VRK2: variants seen among roughly 807,000 people sequenced by gnomAD.
VRK2 encodes the protein VRK serine/threonine kinase 2, also known as serine/threonine-protein kinase VRK2.
A neutral mutation model predicts 57.6 loss-of-function variants in VRK2; 60 were observed. That is an observed-to-expected ratio of 1.04 (90% CI 0.85 to 1.29). VRK2 has a LOEUF of 1.29. Among genes scored for constraint, VRK2 ranks in the 50% most tolerant of loss-of-function variants. The pLI is 0.00. For synonymous variants in VRK2, 231 were observed against 199.2 expected (o/e 1.16, Z -1.35); for missense variants, 705 against 588.1 (o/e 1.20, Z -2.06).
intron 10 of VRK2, among the ~76,000 whole-genome samples, chr2:58,136,113 CCTTT>C (rs1349561401): frequency 6.6e-6 from 1 of 152,108 alleles, no homozygotes; most frequent in Non-Finnish European, 1.5e-5. Flanking sequence ...ACATTCACAG[CCTTT>C]CTTTCACTGG....
chr2:58,116,276 GA>G (rs1457330506), intron 7 of VRK2, among the ~76,000 whole-genome samples: 8 of 151,862 alleles, frequency 5.3e-5, no homozygotes, highest in East Asian at 3.9e-4. Context: ...TAAGGTGGGG[GA>G]ATACAAAAGG....
intron 1 of VRK2, among the ~76,000 whole-genome samples, chr2:58,012,903 T>C (rs188310294): frequency 1.4e-4 from 22 of 152,286 alleles, no homozygotes; most frequent in African/African-American, 4.8e-4. Flanking sequence ...CAATGAAAAA[T>C]ATAAAACGTA....
chr2:57,908,066 GA>G (rs752533479), intron 1 of VRK2, among the ~76,000 whole-genome samples: 134 of 152,274 alleles, frequency 8.8e-4, no homozygotes, highest in Admixed American at 3.6e-3. Context: ...GGATTCACAA[GA>G]GGGGATCAAG....
intron 2 of VRK2, among the ~76,000 whole-genome samples, chr2:58,057,661 A>C (rs1240193387): frequency 6.6e-6 from 1 of 152,164 alleles, no homozygotes; most frequent in Admixed American, 6.6e-5. Context: ...TTTTCAAAGA[A>C]TGTAAGCACA....
chr2:58,030,398 G>A (rs1674076398), intron 2 of VRK2, among the ~76,000 whole-genome samples: 1 of 151,958 alleles, frequency 6.6e-6, no homozygotes, highest in Non-Finnish European at 1.5e-5. Flanking sequence ...TTACATGTAA[G>A]TCTCTAATAC....
chr2:58,087,974 G>C (rs992442398), intron 5 of VRK2, among the ~76,000 whole-genome samples: 1 of 151,908 alleles, frequency 6.6e-6, no homozygotes, highest in African/African-American at 2.4e-5. Context: ...TGACAGAGCG[G>C]GACTCTGTCT....
chr2:58,146,456 G>A lies in VRK2; in HGVS notation c.1164G>A (p.Met388Ile). The change falls in exon 12 of 13, where the codon ATG becomes ATA. Residue 388 changes from methionine to isoleucine, a missense_variant. Physicochemically the swap from Met to Ile is conservative, Grantham distance 10. Coordinates refer to ENST00000340157, the MANE Select transcript of VRK2 (RefSeq NM_006296.7). The stretch of plus-strand genomic sequence containing the variant: ...AAGAGGAGAAACTGATTGGATTGAT[G>A]AACAATGAAGCAGCTCAGGTGAGAG... Reference protein sequence around the residue: ...VQKEEKLIGLMNNEAAQESTR... With the variant: ...VQKEEKLIGLINNEAAQESTR... 2 of 1,610,316 alleles carry A rather than the reference G, an allele frequency of 1.2e-6. No individual in the cohort carries two copies. Among genetic ancestry groups the A allele is most frequent in the East Asian group, 4.5e-5 (2 of 44,792 alleles).
chr2:57,907,708 C>A (rs1041005044), exon 1 of VRK2: 1 of 152,288 alleles, frequency 6.6e-6, no homozygotes, highest in Non-Finnish European at 1.5e-5. Context: ...CTCTGATTGT[C>A]CTCATGGGGA....
In VRK2 at chr2:58,123,135, A is replaced by T; in HGVS notation, c.578A>T (p.Tyr193Phe). 1 of 1,600,638 alleles carries T rather than the reference A, an allele frequency of 6.2e-7. No individual in the cohort carries two copies. Among genetic ancestry groups the T allele is most frequent in the South Asian group, 1.1e-5 (1 of 87,968 alleles). The change falls in exon 8 of 13, where the codon TAT becomes TTT. Residue 193 changes from tyrosine (Y) to phenylalanine (F), a missense_variant. Coordinates refer to ENST00000340157, the MANE Select transcript of VRK2 (RefSeq NM_006296.7). ...GCAGATTATGGACTTTCCTACAGATATTGTCCCAATGGGAACCACAAACAG... is the reference window on the plus strand; with the variant it reads ...GCAGATTATGGACTTTCCTACAGATTTTGTCCCAATGGGAACCACAAACAG... Reference protein sequence around the residue: ...YLADYGLSYRYCPNGNHKQYQ... With the variant: ...YLADYGLSYRFCPNGNHKQYQ...
chr2:58,122,152 A>T (rs1296847138), intron 7 of VRK2, among the ~76,000 whole-genome samples: 1 of 152,204 alleles, frequency 6.6e-6, no homozygotes, highest in Non-Finnish European at 1.5e-5. Flanking sequence ...CAGATAAAAT[A>T]GTGGTGTTTC....
At chr2:57,963,872 A>G (rs572608608) in intron 1 of VRK2, among the ~76,000 whole-genome samples, 1 of 152,334 alleles carries the variant, frequency 6.6e-6, no homozygotes, top group East Asian at 1.9e-4. Context: ...TGGATATAAG[A>G]GGATTTGCAA....
intron 1 of VRK2, among the ~76,000 whole-genome samples, chr2:57,948,465 G>A (rs1335265578): frequency 6.6e-6 from 1 of 152,110 alleles, no homozygotes; most frequent in Non-Finnish European, 1.5e-5. Flanking sequence ...GCTGTATCCA[G>A]TTCTGCAGGC....
intron 10 of VRK2, 38 bp from the exon 11 acceptor site, chr2:58,139,628 A>C: frequency 6.3e-7 from 1 of 1,582,966 alleles, no homozygotes; most frequent in Non-Finnish European, 8.6e-7. Context: ...AATTCTTGCC[A>C]ATTGTGAATG....
At chr2:58,069,250 A>G (rs1572935149) in intron 2 of VRK2, among the ~76,000 whole-genome samples, 1 of 152,192 alleles carries the variant, frequency 6.6e-6, no homozygotes, top group Admixed American at 6.5e-5. Flanking sequence ...TTAGTTTTCA[A>G]TAGCAAAAGT....
intron 1 of VRK2, among the ~76,000 whole-genome samples, chr2:57,957,475 A>C (rs17049262): frequency 0.12 from 18,487 of 151,778 alleles, 1,184 homozygotes; most frequent in East Asian, 0.19. Flanking sequence ...GTGATTACGC[A>C]ATAAAGTGAG....
At position 58,117,509 on chromosome 2, in the gene VRK2, G is replaced by C. The variant is rs191314705; in HGVS notation, c.544-5592G>C. On this transcript the variant is annotated intron_variant, in intron 7 of 12. Coordinates refer to ENST00000340157, the MANE Select transcript of VRK2 (RefSeq NM_006296.7). ...AGAAAAGGAAGATTAGAAAGACTCA[G>C]CGACGCTTGGGGTTGGGACTGAGGG... is the stretch of plus-strand genomic sequence containing the variant. Among the ~76,000 whole-genome samples, 502 of 152,232 alleles carry C rather than the reference G, an allele frequency of 3.3e-3. 4 individuals are homozygous for C. Among genetic ancestry groups the C allele is most frequent in the South Asian group, 8.3e-3 (40 of 4,816 alleles).
intron 7 of VRK2, among the ~76,000 whole-genome samples, chr2:58,091,617 AT>A (rs539658097): frequency 1.3e-5 from 2 of 152,106 alleles, no homozygotes; most frequent in Admixed American, 1.3e-4. Flanking sequence ...CTTAATAAAA[AT>A]TTTTTCAAAA....
chr2:57,912,074 T>C (rs932528797), intron 1 of VRK2, among the ~76,000 whole-genome samples: 1 of 152,324 alleles, frequency 6.6e-6, no homozygotes, highest in Admixed American at 6.5e-5. Flanking sequence ...AAGAAGACAA[T>C]GCAGGTATCT....
chr2:57,956,427 G>A (rs1057449876), intron 1 of VRK2, among the ~76,000 whole-genome samples: 13 of 152,106 alleles, frequency 8.5e-5, no homozygotes, highest in African/African-American at 2.2e-4. Context: ...GTATTCATTC[G>A]TTTTGCACTA....
Sources: gnomAD v4.1 joint callset for allele counts (sites outside exome capture counted in the v4.1 genomes callset) on GRCh38, gnomAD v4.1.1 for gene constraint, MANE v1.5 for transcripts, NCBI Gene and HGNC (gene_info 2026-07-23, HGNC 2026-07-21) for gene names.